CPNE8: variants seen among roughly 807,000 people sequenced by gnomAD.
The protein encoded by CPNE8 is copine 8, also known as copine-8.
A neutral mutation model predicts 81.5 loss-of-function variants in CPNE8; 45 were observed. The ratio of observed to expected loss-of-function variants is 0.55; its 90% confidence interval spans 0.44 to 0.71. The LOEUF is 0.71. Ranked by LOEUF, CPNE8 falls within the 30% of genes least tolerant of loss-of-function variation. The pLI is 0.00. For synonymous variants in CPNE8, 252 were observed against 226.3 expected (o/e 1.11, Z -1.02); for missense variants, 594 against 672.1 (o/e 0.88, Z 1.28).
chr12:38,688,350 C>T (rs560836864), intron 15 of CPNE8, among the ~76,000 whole-genome samples: 20 of 152,172 alleles, frequency 1.3e-4, no homozygotes, highest in Admixed American at 3.3e-4. Context: ...ATGTCTTAGA[C>T]GATAAGAATA....
intron 10 of CPNE8, among the ~76,000 whole-genome samples, chr12:38,733,948 C>G (rs2136773336): frequency 6.6e-6 from 1 of 151,962 alleles, no homozygotes; most frequent in East Asian, 1.9e-4. Flanking sequence ...GGGTATTACT[C>G]CCTTATATCA....
intron 19 of CPNE8, among the ~76,000 whole-genome samples, chr12:38,660,875 C>G (rs775447157): frequency 2.0e-5 from 3 of 152,130 alleles, no homozygotes; most frequent in African/African-American, 7.2e-5. Flanking sequence ...CATCACTGGT[C>G]ATCAGAGAAA....
At chr12:38,876,671 T>A (rs1481945685) in intron 1 of CPNE8, among the ~76,000 whole-genome samples, 1 of 152,260 alleles carries the variant, frequency 6.6e-6, no homozygotes, top group Non-Finnish European at 1.5e-5. Flanking sequence ...TAACATAGTC[T>A]GAAATTTGCA....
intron 6 of CPNE8, among the ~76,000 whole-genome samples, chr12:38,784,323 A>G (rs1942124113): frequency 6.6e-6 from 1 of 152,182 alleles, no homozygotes; most frequent in South Asian, 2.1e-4. Context: ...TTCAGAGAAG[A>G]CAAAAGAAAA....
chr12:38,865,166 A>G (rs1464807724), intron 3 of CPNE8, among the ~76,000 whole-genome samples: 1 of 152,210 alleles, frequency 6.6e-6, no homozygotes, highest in Non-Finnish European at 1.5e-5. Context: ...CTGGCCATAA[A>G]AAGCATTGGC....
intron 4 of CPNE8, among the ~76,000 whole-genome samples, chr12:38,842,569 C>CTTT (rs769891980): frequency 1.7e-3 from 186 of 110,756 alleles, no homozygotes; most frequent in South Asian, 3.4e-3. Context: ...AACATTTTTC[C>CTTT]TTTTTTTTTT....
intron 6 of CPNE8, among the ~76,000 whole-genome samples, chr12:38,824,194 T>C (rs1444331279): frequency 6.6e-6 from 1 of 152,160 alleles, no homozygotes; most frequent in Non-Finnish European, 1.5e-5. Context: ...ATATAAAATA[T>C]TAAAAATAGA....
chr12:38,672,500 A>G (rs1939197741), intron 18 of CPNE8, among the ~76,000 whole-genome samples: 1 of 152,166 alleles, frequency 6.6e-6, no homozygotes, highest in Non-Finnish European at 1.5e-5. Context: ...TATGAACCCC[A>G]GTCTCCCACC....
intron 6 of CPNE8, among the ~76,000 whole-genome samples, chr12:38,796,841 C>T (rs897034014): frequency 2.0e-5 from 3 of 152,144 alleles, no homozygotes; most frequent in African/African-American, 7.2e-5. Context: ...TCACTCCCAC[C>T]CTAATACTGC....
At chr12:38,810,246 A>G (rs575701094) in intron 6 of CPNE8, among the ~76,000 whole-genome samples, 1 of 152,286 alleles carries the variant, frequency 6.6e-6, no homozygotes, top group East Asian at 1.9e-4. Flanking sequence ...CCACCAGGCA[A>G]TGGCATCCTC....
chr12:38,800,392 G>A (rs1173857255), intron 6 of CPNE8, among the ~76,000 whole-genome samples: 2 of 43,180 alleles, frequency 4.6e-5, no homozygotes, highest in Non-Finnish European at 7.2e-5. Flanking sequence ...CCCCAGCAGG[G>A]GCACACTGAC....
In CPNE8 at chr12:38,803,578, T is replaced by G. The variant is rs1007731094; in HGVS notation, c.407+25801A>C. Among the ~76,000 whole-genome samples, 3 of 138,140 alleles carry G rather than the reference T, an allele frequency of 2.2e-5. No homozygotes were observed. The Admixed American group carries it at 2.3e-4, about 10-fold the overall frequency. 90.6% of individuals were successfully genotyped at this position (138,140 alleles called of 152,430 possible). On this transcript the variant is annotated intron_variant, in intron 6 of 19. Coordinates refer to ENST00000331366, the MANE Select transcript of CPNE8 (RefSeq NM_153634.3). ...ACTGAATGGGCAAAAACTGGAAGCA[T>G]TCCCTTTGAAAACTGGCACAAGACA... is the stretch of plus-strand genomic sequence containing the variant.
intron 1 of CPNE8, among the ~76,000 whole-genome samples, chr12:38,889,253 T>C (rs561262877): frequency 1.2e-4 from 18 of 152,282 alleles, no homozygotes; most frequent in Non-Finnish European, 1.6e-4. Context: ...GTGGAATATG[T>C]ATAATAAATT....
At chr12:38,754,219 G>C (rs1445198352) in intron 10 of CPNE8, among the ~76,000 whole-genome samples, 3 of 152,116 alleles carry the variant, frequency 2.0e-5, no homozygotes, top group Non-Finnish European at 2.9e-5. Context: ...TGGGATAGAA[G>C]AGCACAGGAC....
At chr12:38,720,834 A>C (rs1180108592) in intron 13 of CPNE8, 2 of 152,310 alleles carry the variant, frequency 1.3e-5, no homozygotes, top group East Asian at 1.9e-4. Context: ...GGTGCACTGC[A>C]GTCATCCAAG....
At chr12:38,710,579 A>G (rs1940231227) in intron 13 of CPNE8, among the ~76,000 whole-genome samples, 2 of 152,226 alleles carry the variant, frequency 1.3e-5, no homozygotes, top group African/African-American at 4.8e-5. Flanking sequence ...CAAATACTCT[A>G]CATGCTGTAG....
At chr12:38,861,848 T>C (rs1943840738) in intron 3 of CPNE8, among the ~76,000 whole-genome samples, 1 of 152,088 alleles carries the variant, frequency 6.6e-6, no homozygotes, top group South Asian at 2.1e-4. Flanking sequence ...TAGAGAAATA[T>C]TGACATATAG....
chr12:38,790,575 T>C (rs1942297475), intron 6 of CPNE8, among the ~76,000 whole-genome samples: 1 of 151,680 alleles, frequency 6.6e-6, no homozygotes. Context: ...ATAATTTAAT[T>C]GTATATTTAA....
At chr12:38,867,675 T>C (rs1288133658) in intron 3 of CPNE8, among the ~76,000 whole-genome samples, 1 of 152,178 alleles carries the variant, frequency 6.6e-6, no homozygotes, top group Non-Finnish European at 1.5e-5. Flanking sequence ...CTTCAAGAAA[T>C]TAGTTGGAAC....
Sources: allele counts gnomAD v4.1 joint callset (sites outside exome capture counted in the v4.1 genomes callset), GRCh38; gene constraint gnomAD v4.1.1; transcripts MANE v1.5; gene names NCBI Gene and HGNC (gene_info 2026-07-23, HGNC 2026-07-21).